KCNH5: variants seen among roughly 807,000 people sequenced by gnomAD.
KCNH5 encodes the protein voltage-gated delayed rectifier potassium channel KCNH5.
Under a neutral mutation model 96.1 loss-of-function variants are expected in KCNH5, and 46 were observed. The observed-to-expected ratio is 0.48, with a 90% CI of 0.38 to 0.61. The LOEUF is 0.61. Ranked by LOEUF, KCNH5 falls within the 20% of genes least tolerant of loss-of-function variation. The pLI, the probability that KCNH5 is intolerant of heterozygous loss-of-function variation, is 0.00. For missense variants in KCNH5, 907 were observed against 1,225.8 expected (o/e 0.74, Z 3.88); for synonymous variants, 439 against 449.8 (o/e 0.98, Z 0.30).
intron 9 of KCNH5, among the ~76,000 whole-genome samples, chr14:62,794,447 A>G (rs967747332): frequency 6.6e-6 from 1 of 151,818 alleles, no homozygotes; most frequent in South Asian, 2.1e-4. Context: ...ACAGGTCTGA[A>G]TTAAAATCCT....
At chr14:62,954,123 C>T (rs921084815) in intron 6 of KCNH5, among the ~76,000 whole-genome samples, 9 of 152,146 alleles carry the variant, frequency 5.9e-5, no homozygotes, top group Admixed American at 3.9e-4. Flanking sequence ...TTTCATGCTA[C>T]GTTACAAGTT....
At chr14:62,921,634 C>A (rs1889382806) in intron 7 of KCNH5, among the ~76,000 whole-genome samples, 1 of 152,056 alleles carries the variant, frequency 6.6e-6, no homozygotes, top group African/African-American at 2.4e-5. Flanking sequence ...CACCTCTGGA[C>A]ATAGGAAGAA....
At chr14:62,837,022 C>G (rs1180530914) in intron 8 of KCNH5, among the ~76,000 whole-genome samples, 1 of 152,146 alleles carries the variant, frequency 6.6e-6, no homozygotes. Flanking sequence ...GACTATAACG[C>G]CTGCCACATA....
intron 6 of KCNH5, among the ~76,000 whole-genome samples, chr14:62,954,505 C>A (rs1032144105): frequency 2.0e-5 from 3 of 152,116 alleles, no homozygotes; most frequent in Admixed American, 2.0e-4. Context: ...TTTTATGAAA[C>A]AAGCAAATGT....
chr14:62,707,893 G>A lies in KCNH5; in HGVS notation c.2582C>T (p.Thr861Ile). ...TGTAATTCCACTGTCACAAGAATCT[G>A]TTTTTCTTAGTGGGTTTTTGGTCAC... ...NSVTKNPLRK[T>I]DSCDSGITKS... The change falls in exon 11 of 11, where the codon ACA becomes ATA. Residue 861 changes from threonine (T) to isoleucine (I), a missense_variant. Transcript: ENST00000322893. The A allele has an allele frequency of 1.2e-6, 2 of 1,614,160 alleles. No homozygotes were observed. The highest frequency in any genetic ancestry group is 1.7e-6 in the Non-Finnish European group (2 of 1,180,030).
chr14:62,967,354 T>C (rs1890324037), intron 6 of KCNH5, among the ~76,000 whole-genome samples: 1 of 151,988 alleles, frequency 6.6e-6, no homozygotes. Flanking sequence ...AGTGCTGAGA[T>C]TACAGGCATT....
intron 7 of KCNH5, among the ~76,000 whole-genome samples, chr14:62,872,598 C>T (rs1888279142): frequency 6.6e-6 from 1 of 152,248 alleles, no homozygotes; most frequent in Non-Finnish European, 1.5e-5. Context: ...GAGGTTGAGG[C>T]AGGAGAACCG....
At chr14:62,957,571 T>C (rs2140135854) in intron 6 of KCNH5, among the ~76,000 whole-genome samples, 1 of 152,348 alleles carries the variant, frequency 6.6e-6, no homozygotes. Flanking sequence ...AGAGGGTCTG[T>C]TTCCTATCTC....
Position 62,779,731 on chromosome 14 carries a change from T to C in KCNH5, c.2016A>G (p.Lys672=). Residue 672 remains lysine, a synonymous_variant, in exon 10 of 11, where the codon AAA becomes AAG. Transcript: ENST00000322893. ...RNLTLTCNLR[K]RIIFRKISDV... ...AAAGCAGACCCAGAGAACATACCCG[T>C]TTCCTCAGATTGCAAGTAAGAGTGA... 1.9e-6 allele frequency: 3 copies of C among 1,612,350 alleles called. No homozygotes were observed. The highest frequency in any genetic ancestry group is 2.5e-6 in the Non-Finnish European group (3 of 1,178,910).
chr14:62,914,461 T>TAA (rs895919495), intron 7 of KCNH5, among the ~76,000 whole-genome samples: 32 of 152,254 alleles, frequency 2.1e-4, no homozygotes, highest in African/African-American at 7.7e-4. Flanking sequence ...AAAACTTCAT[T>TAA]AAAAAGGAGG....
intron 8 of KCNH5, among the ~76,000 whole-genome samples, chr14:62,836,786 T>A (rs770771637): frequency 3.5e-4 from 54 of 152,136 alleles, no homozygotes; most frequent in Middle Eastern, 3.2e-3. Context: ...GTAAGTTTCA[T>A]GAGGGCAAGG....
chr14:62,808,700 C>T (rs1886817398), intron 8 of KCNH5, among the ~76,000 whole-genome samples: 1 of 152,026 alleles, frequency 6.6e-6, no homozygotes, highest in African/African-American at 2.4e-5. Flanking sequence ...TGGGAAACTC[C>T]TGTAATTCTA....
intron 7 of KCNH5, among the ~76,000 whole-genome samples, chr14:62,857,985 C>A (rs151227321): frequency 6.6e-6 from 1 of 151,878 alleles, no homozygotes; most frequent in African/African-American, 2.4e-5. Context: ...TTTGTACAAC[C>A]AGAAACACAC....
At chr14:62,983,074 A>T (rs1890639982) in intron 5 of KCNH5, among the ~76,000 whole-genome samples, 1 of 152,200 alleles carries the variant, frequency 6.6e-6, no homozygotes, top group Admixed American at 6.5e-5. Context: ...ATCTATATAT[A>T]CACAGTCTAT....
intron 2 of KCNH5, among the ~76,000 whole-genome samples, chr14:63,008,060 T>G (rs1473851330): frequency 6.6e-6 from 1 of 152,128 alleles, no homozygotes; most frequent in Non-Finnish European, 1.5e-5. Flanking sequence ...GTCCAGACCA[T>G]TTCTTCCACC....
intron 10 of KCNH5, among the ~76,000 whole-genome samples, chr14:62,726,117 C>T (rs745636816): frequency 1.3e-5 from 2 of 152,070 alleles, no homozygotes; most frequent in African/African-American, 4.8e-5. Context: ...TGTATCTTGA[C>T]CTTTACCTCA....
intron 7 of KCNH5, among the ~76,000 whole-genome samples, chr14:62,875,218 C>T (rs2140070365): frequency 6.6e-6 from 1 of 150,788 alleles, no homozygotes; most frequent in East Asian, 2.0e-4. Context: ...AAGAACATTC[C>T]ATGCTCATGG....
chr14:62,907,342 T>TC (rs1460309487), intron 7 of KCNH5, among the ~76,000 whole-genome samples: 1 of 152,226 alleles, frequency 6.6e-6, no homozygotes, highest in African/African-American at 2.4e-5. Flanking sequence ...AGCCCATTAC[T>TC]CTCCCTTGTT....
In KCNH5 at chr14:62,706,783, C is replaced by T. The variant is rs1437220867; in HGVS notation, c.*725G>A. On this transcript the variant is annotated 3_prime_UTR_variant, in exon 11 of 11. Coordinates refer to ENST00000322893, the MANE Select transcript of KCNH5 (RefSeq NM_139318.5). The stretch of plus-strand genomic sequence containing the variant: ...TTATGATGTTGATAATGTCAGCTTA[C>T]AAGATGGCAGCTGTTCTCCAAGAAG... The T allele has an allele frequency of 1.3e-5, 2 of 152,134 alleles. No individual in the cohort carries two copies. The highest frequency in any genetic ancestry group is 1.5e-5 in the Non-Finnish European group (1 of 68,008). The allele number at this position is 152,134 out of a possible 1,614,324, so 9.4% of individuals were successfully genotyped here.
Sources: gnomAD v4.1 joint callset for allele counts (sites outside exome capture counted in the v4.1 genomes callset) on GRCh38, gnomAD v4.1.1 for gene constraint, MANE v1.5 for transcripts, NCBI Gene and HGNC (gene_info 2026-07-23, HGNC 2026-07-21) for gene names.